TTC7B: variants seen among roughly 807,000 people sequenced by gnomAD.
TTC7B encodes the protein tetratricopeptide repeat domain 7B, also known as tetratricopeptide repeat protein 7B.
TTC7B carries 28 observed loss-of-function variants against 106.8 expected under a neutral mutation model. That is an observed-to-expected ratio of 0.26 (90% CI 0.19 to 0.36). The LOEUF is 0.36. Ranked by LOEUF, TTC7B falls within the 10% of genes least tolerant of loss-of-function variation. The probability of loss-of-function intolerance (pLI) is 1.00; values close to 1 mark genes in which losing one functional copy is unlikely to be tolerated. For synonymous variants in TTC7B, 405 were observed against 430.6 expected, an observed-to-expected ratio of 0.94 and a Z score of 0.74; for missense variants, 862 against 1,076.4, an observed-to-expected ratio of 0.80 and a Z score of 2.79.
chr14:90,679,182 G>A (rs537662567), intron 8 of TTC7B, among the ~76,000 whole-genome samples: 1 of 152,222 alleles, frequency 6.6e-6, no homozygotes. Flanking sequence ...GCTTCCTTGA[G>A]AGGAAGTAAG....
chr14:90,685,145 G>A (rs576961423), intron 7 of TTC7B, among the ~76,000 whole-genome samples: 4 of 152,194 alleles, frequency 2.6e-5, no homozygotes, highest in Non-Finnish European at 5.9e-5. Flanking sequence ...CAACTCTTCT[G>A]AATGGTCCTT....
chr14:90,683,900 C>T (rs1045005708), intron 7 of TTC7B, among the ~76,000 whole-genome samples: 1 of 152,202 alleles, frequency 6.6e-6, no homozygotes, highest in African/African-American at 2.4e-5. Context: ...TTCAACATCC[C>T]TCTGCTTTCC....
intron 1 of TTC7B, among the ~76,000 whole-genome samples, chr14:90,811,886 C>T (rs2140066648): frequency 6.6e-6 from 1 of 152,298 alleles, no homozygotes; most frequent in East Asian, 1.9e-4. Context: ...AGCAGCCGTC[C>T]GTCAGGACAG....
At chr14:90,651,028 TTAAACAAAAAA>T (rs1246459518) in intron 13 of TTC7B, among the ~76,000 whole-genome samples, 2 of 152,218 alleles carry the variant, frequency 1.3e-5, no homozygotes, top group Admixed American at 6.5e-5. Flanking sequence ...TGTTTTCTTT[TTAAACAAAAAA>T]TGCAAAACAT....
At chr14:90,799,833 T>G (rs1011318740) in intron 1 of TTC7B, among the ~76,000 whole-genome samples, 6 of 152,086 alleles carry the variant, frequency 3.9e-5, no homozygotes, top group Non-Finnish European at 8.8e-5. Context: ...AAGTTTTTTT[T>G]GTTTGTTTTT....
intron 4 of TTC7B, among the ~76,000 whole-genome samples, chr14:90,731,140 C>T (rs1005807085): frequency 2.0e-5 from 3 of 151,696 alleles, no homozygotes; most frequent in South Asian, 2.1e-4. Context: ...TTAGTAGAGA[C>T]GGGGGTTTCA....
chr14:90,736,256 GA>G (rs781680027), intron 4 of TTC7B, among the ~76,000 whole-genome samples: 3 of 151,988 alleles, frequency 2.0e-5, no homozygotes, highest in African/African-American at 7.2e-5. Flanking sequence ...TGTACATAGT[GA>G]AAAAATTTTT....
intron 2 of TTC7B, among the ~76,000 whole-genome samples, chr14:90,783,246 G>T (rs1043064996): frequency 6.6e-6 from 1 of 152,234 alleles, no homozygotes; most frequent in Non-Finnish European, 1.5e-5. Context: ...CCCACTACAT[G>T]CCTGGCTGGC....
At chr14:90,598,567 A>T (rs1892307227) in intron 17 of TTC7B, among the ~76,000 whole-genome samples, 1 of 152,154 alleles carries the variant, frequency 6.6e-6, no homozygotes, top group South Asian at 2.1e-4. Context: ...AAGGCCACTG[A>T]TCTCAGGGCA....
At position 90,786,214 on chromosome 14, in the gene TTC7B, C is replaced by A. The variant is rs771159231; in HGVS notation, c.236G>T (p.Arg79Leu). The A allele has an allele frequency of 8.1e-6, 13 of 1,598,518 alleles. No individual in the cohort carries two copies. The highest frequency in any genetic ancestry group is 1.1e-5 in the Non-Finnish European group (13 of 1,173,576). Residue 79 changes from arginine (R) to leucine (L), a missense_variant, in exon 2 of 20, where the codon CGC becomes CTC. Coordinates refer to ENST00000328459, the MANE Select transcript of TTC7B (RefSeq NM_001010854.2). ...RGPKPQLTEVRKHLTAALDRG... is the reference protein window; with the variant it reads ...RGPKPQLTEVLKHLTAALDRG... ...GTCCAGGGCGGCGGTCAGATGCTTG[C>A]GGACCTCAGTCAGCTGGGGCTTGGG...
intron 19 of TTC7B, among the ~76,000 whole-genome samples, chr14:90,562,125 C>G (rs896034749): frequency 2.0e-5 from 3 of 152,198 alleles, no homozygotes; most frequent in Non-Finnish European, 2.9e-5. Context: ...CATGCCCCAA[C>G]CTCCAGACCT....
chr14:90,664,025 C>A (rs1433579915), intron 9 of TTC7B, among the ~76,000 whole-genome samples: 1 of 152,124 alleles, frequency 6.6e-6, no homozygotes, highest in Non-Finnish European at 1.5e-5. Context: ...AACCATACCT[C>A]AACTACAAAA....
chr14:90,689,730 G>C lies in TTC7B; in HGVS notation c.778-18C>G, dbSNP rs975216401. ...GCTATTGTCTGGGAACATAAACGAGGAAAAGCATAGCCATGAATCTATCTT... is the reference window on the plus strand; with the variant it reads ...GCTATTGTCTGGGAACATAAACGAGCAAAAGCATAGCCATGAATCTATCTT... On this transcript the variant is annotated intron_variant, in intron 6 of 19. Coordinates refer to ENST00000328459, the MANE Select transcript of TTC7B (RefSeq NM_001010854.2). 4 of 1,612,314 alleles carry C rather than the reference G, an allele frequency of 2.5e-6. No individual in the cohort carries two copies. Among genetic ancestry groups the C allele is most frequent in the Non-Finnish European group, 3.4e-6 (4 of 1,179,256 alleles).
At chr14:90,589,288 T>C (rs953397855) in intron 18 of TTC7B, among the ~76,000 whole-genome samples, 5 of 152,196 alleles carry the variant, frequency 3.3e-5, no homozygotes, top group African/African-American at 1.2e-4. Context: ...TCAGTATCCA[T>C]GGGGAATTGG....
chr14:90,579,746 C>G (rs576164235), intron 18 of TTC7B, among the ~76,000 whole-genome samples: 2 of 152,226 alleles, frequency 1.3e-5, no homozygotes, highest in South Asian at 4.2e-4. Flanking sequence ...TTGCAGTGAG[C>G]CAAGATCATG....
chr14:90,778,896 A>T (rs138293981), intron 3 of TTC7B, among the ~76,000 whole-genome samples: 1 of 152,352 alleles, frequency 6.6e-6, no homozygotes, highest in Non-Finnish European at 1.5e-5. Context: ...CACCCCCTTC[A>T]CAAAGCTCTT....
intron 3 of TTC7B, among the ~76,000 whole-genome samples, chr14:90,761,750 A>G (rs750827259): frequency 2.6e-5 from 4 of 152,174 alleles, no homozygotes; most frequent in Non-Finnish European, 4.4e-5. Flanking sequence ...TTTCACTGTC[A>G]TCTGGATTCC....
Position 90,657,408 on chromosome 14 carries a change from C to T in TTC7B, c.1237-130G>A, listed in dbSNP as rs1328460767. ...TTGTCCAACTTTAAGCCCAAGCAAG[C>T]GGGGGCCTGAGGTGCATGAAAACCA... is the stretch of plus-strand genomic sequence containing the variant. On this transcript the variant is annotated intron_variant, in intron 10 of 19. Transcript: ENST00000328459. The surrounding 1 kb of genome is among the most constrained non-coding windows in gnomAD (Gnocchi z 4.2). 23 of 774,334 alleles carry T rather than the reference C, an allele frequency of 3.0e-5. No individual in the cohort carries two copies. Among genetic ancestry groups the T allele is most frequent in the East Asian group, 8.3e-5 (3 of 36,060 alleles). The allele number at this position is 774,334 out of a possible 1,614,324, so 48.0% of individuals were successfully genotyped here.
Position 90,802,377 on chromosome 14 carries a change from C to T in TTC7B, c.121+13798G>A, listed in dbSNP as rs1203932969. On this transcript the variant is annotated intron_variant, in intron 1 of 19. Transcript: ENST00000328459. The surrounding 1 kb of genome is among the most constrained non-coding windows in gnomAD (Gnocchi z 4.7). ...GAGAGAAGTGAAGGCTGTGGCAGCC[C>T]GGTCCTGAGAGGGTGAGAACGGAAG... 6.6e-6 allele frequency among the ~76,000 whole-genome samples: 1 copy of T among 151,964 alleles called. No individual in the cohort carries two copies. The highest frequency in any genetic ancestry group is 2.4e-5 in the African/African-American group (1 of 41,358).
Sources: gnomAD v4.1 joint callset for allele counts (sites outside exome capture counted in the v4.1 genomes callset) on GRCh38, gnomAD v4.1.1 for gene constraint, Gnocchi (gnomAD v3.1) non-coding constraint, MANE v1.5 for transcripts, NCBI Gene and HGNC (gene_info 2026-07-23, HGNC 2026-07-21) for gene names.